Variants in KCNK2 observed in about 807,000 individuals in gnomAD.
The protein encoded by KCNK2 is potassium two pore domain channel subfamily K member 2.
Under a neutral mutation model 40.5 loss-of-function variants are expected in KCNK2, and 21 were observed. The observed-to-expected ratio is 0.52, with a 90% CI of 0.37 to 0.75. The LOEUF is 0.75. Among genes scored for constraint, KCNK2 ranks in the 30% least tolerant of loss-of-function variants. KCNK2 has a pLI of 0.00. For missense variants in KCNK2, 399 were observed against 531.6 expected (o/e 0.75, Z 2.45); for synonymous variants, 191 against 202.2 (o/e 0.94, Z 0.47).
intron 3 of KCNK2, among the ~76,000 whole-genome samples, chr1:215,148,095 T>TTTTTC (rs1662512890): frequency 6.8e-6 from 1 of 146,450 alleles, no homozygotes; most frequent in African/African-American, 2.5e-5. Context: ...TTTTTTTTTT[T>TTTTTC]TTTGGCAGGG....
intron 1 of KCNK2, among the ~76,000 whole-genome samples, chr1:215,029,654 AT>A (rs1430721387): frequency 6.7e-6 from 1 of 148,170 alleles, no homozygotes; most frequent in Non-Finnish European, 1.5e-5. Context: ...TATTTAATAT[AT>A]TTGGATATAC....
intron 6 of KCNK2, among the ~76,000 whole-genome samples, chr1:215,229,942 TC>T (rs1188347875): frequency 2.0e-5 from 3 of 151,298 alleles, no homozygotes; most frequent in Admixed American, 2.0e-4. Context: ...CATATCATCT[TC>T]ACCTATTATC....
intron 3 of KCNK2, among the ~76,000 whole-genome samples, chr1:215,152,937 A>G (rs561067848): frequency 3.9e-5 from 6 of 152,314 alleles, no homozygotes; most frequent in Admixed American, 1.3e-4. Context: ...TTGTCAATAA[A>G]TGTAACAATA....
intron 6 of KCNK2, among the ~76,000 whole-genome samples, chr1:215,233,446 T>C (rs981488202): frequency 1.8e-5 from 2 of 114,058 alleles, no homozygotes; most frequent in Non-Finnish European, 3.6e-5. Flanking sequence ...ATTTCTGTTT[T>C]TGAGTACACA....
intron 3 of KCNK2, among the ~76,000 whole-genome samples, chr1:215,143,056 T>C (rs900870583): frequency 5.9e-5 from 9 of 152,188 alleles, no homozygotes; most frequent in Non-Finnish European, 8.8e-5. Context: ...TGAGAAAGTG[T>C]GTAGGAAACT....
rs190453716 is a variant in KCNK2 at position 215,103,802 on chromosome 1, C to T, written c.357+17124C>T. Among the ~76,000 whole-genome samples, 481 of 152,096 alleles carry T rather than the reference C, an allele frequency of 3.2e-3. 5 individuals are homozygous for T. The highest frequency in any genetic ancestry group is 0.011 in the African/African-American group (448 of 41,538). On this transcript the variant is annotated intron_variant, in intron 2 of 6. Coordinates refer to ENST00000444842, the MANE Select transcript of KCNK2 (RefSeq NM_001017425.3). Reference sequence around the variant, plus strand: ...CTTTATTCTCCATTATTCAAAACCTCGCAATCATATTATTTCCTGATCCAT... The same window carrying T: ...CTTTATTCTCCATTATTCAAAACCTTGCAATCATATTATTTCCTGATCCAT...
chr1:215,221,222 AAAG>A (rs761778652), intron 6 of KCNK2, among the ~76,000 whole-genome samples: 23 of 152,160 alleles, frequency 1.5e-4, no homozygotes, highest in Non-Finnish European at 2.9e-4. Context: ...AAAAATACAA[AAAG>A]TAGTCAGGCG....
chr1:215,177,995 C>A (rs1278432542), intron 5 of KCNK2, among the ~76,000 whole-genome samples: 1 of 151,732 alleles, frequency 6.6e-6, no homozygotes, highest in African/African-American at 2.4e-5. Flanking sequence ...AATATTGATT[C>A]TTTCAATCCA....
In KCNK2 at chr1:215,115,834, T is replaced by C. The variant is rs192856761; in HGVS notation, c.358-8799T>C. Among the ~76,000 whole-genome samples the C allele has an allele frequency of 6.6e-5, 10 of 152,090 alleles. No homozygotes were observed. In the South Asian group the frequency reaches 8.3e-4, roughly 13 times the overall value. On this transcript the variant is annotated intron_variant, in intron 2 of 6. Coordinates refer to ENST00000444842, the MANE Select transcript of KCNK2 (RefSeq NM_001017425.3). ...AATGGTCCCATAAAATATTATTCCA[T>C]ACAGTAATATGGAATCTAGGAAGAC... is the stretch of plus-strand genomic sequence containing the variant.
intron 2 of KCNK2, among the ~76,000 whole-genome samples, chr1:215,118,091 G>A (rs922693225): frequency 6.6e-6 from 1 of 152,062 alleles, no homozygotes; most frequent in African/African-American, 2.4e-5. Flanking sequence ...GGTTGCCTAG[G>A]CTCCACCAGT....
chr1:215,196,033 A>G (rs1375624739), intron 6 of KCNK2, among the ~76,000 whole-genome samples: 1 of 152,140 alleles, frequency 6.6e-6, no homozygotes, highest in Admixed American at 6.6e-5. Flanking sequence ...ATAGAAAATG[A>G]TGAAATTAAC....
At chr1:215,191,570 G>C (rs757988434) in intron 5 of KCNK2, among the ~76,000 whole-genome samples, 1 of 152,026 alleles carries the variant, frequency 6.6e-6, no homozygotes, top group South Asian at 2.1e-4. Flanking sequence ...CAAGAGATCC[G>C]GAGAGAGATT....
chr1:215,234,198 AT>A (rs892353872), intron 6 of KCNK2, among the ~76,000 whole-genome samples: 12 of 152,176 alleles, frequency 7.9e-5, no homozygotes, highest in Non-Finnish European at 1.8e-4. Flanking sequence ...GTTATTATTT[AT>A]TTGCATTCCC....
chr1:215,019,816 G>A (rs1345687700), intron 1 of KCNK2, among the ~76,000 whole-genome samples: 1 of 152,118 alleles, frequency 6.6e-6, no homozygotes, highest in Non-Finnish European at 1.5e-5. Flanking sequence ...CATTCTAGCT[G>A]CCTTGCCTCT....
intron 1 of KCNK2, among the ~76,000 whole-genome samples, chr1:215,077,025 C>A (rs1008116563): frequency 2.0e-5 from 3 of 152,200 alleles, no homozygotes; most frequent in Non-Finnish European, 4.4e-5. Context: ...GGCAGCTTCT[C>A]CTCTCCTCTT....
intron 2 of KCNK2, among the ~76,000 whole-genome samples, chr1:215,099,578 T>C (rs1182819854): frequency 1.3e-5 from 2 of 151,874 alleles, no homozygotes; most frequent in Non-Finnish European, 2.9e-5. Flanking sequence ...TAATGTGTAA[T>C]GTATTCTTTG....
At chr1:215,227,538 A>G (rs970593837) in intron 6 of KCNK2, among the ~76,000 whole-genome samples, 1 of 152,202 alleles carries the variant, frequency 6.6e-6, no homozygotes, top group African/African-American at 2.4e-5. Context: ...CCTAGATTAC[A>G]TGAGTCACTT....
At chr1:215,012,792 T>C (rs1329404263) in intron 1 of KCNK2, among the ~76,000 whole-genome samples, 1 of 152,052 alleles carries the variant, frequency 6.6e-6, no homozygotes, top group African/African-American at 2.4e-5. Context: ...AGCCCTTTAT[T>C]AGACTTGTGA....
chr1:215,017,807 C>G (rs1287024776), intron 1 of KCNK2, among the ~76,000 whole-genome samples: 1 of 152,024 alleles, frequency 6.6e-6, no homozygotes, highest in Non-Finnish European at 1.5e-5. Flanking sequence ...ATACATACAT[C>G]AAAACATTAT....
Sources: gnomAD v4.1 joint callset for allele counts (sites outside exome capture counted in the v4.1 genomes callset) on GRCh38, gnomAD v4.1.1 for gene constraint, MANE v1.5 for transcripts, NCBI Gene and HGNC (gene_info 2026-07-23, HGNC 2026-07-21) for gene names.